Variants in ART3 observed in about 807,000 individuals in gnomAD.
ART3 encodes ADP-ribosyltransferase 3 (inactive), also known as ecto-ADP-ribosyltransferase 3.
In ART3, 49 loss-of-function variants were observed where a neutral mutation model predicts 48.5. That is an observed-to-expected ratio of 1.01 (90% confidence interval 0.80 to 1.28). The LOEUF is 1.28. ART3 is among the 50% of genes most tolerant of loss of function. The pLI, the probability that ART3 is intolerant of heterozygous loss-of-function variation, is 0.00. For synonymous variants in ART3, 145 were observed against 157.2 expected (o/e 0.92, Z 0.58); for missense variants, 438 against 454.3 (o/e 0.96, Z 0.33).
upstream of ART3, among the ~76,000 whole-genome samples, chr4:76,071,727 A>G (rs1482914949): frequency 5.3e-5 from 8 of 152,156 alleles, no homozygotes; most frequent in Admixed American, 5.2e-4. Context: ...GTTCCAGGAT[A>G]CTTTTTCCAC....
intron 1 of ART3, chr4:76,012,197 G>A (rs1412587940): frequency 6.6e-6 from 1 of 152,214 alleles, no homozygotes; most frequent in Non-Finnish European, 1.5e-5. Context: ...GTGGAATCGA[G>A]GTGTTCTGTT....
chr4:76,067,016 C>A (rs779384243), intron 1 of ART3, among the ~76,000 whole-genome samples: 8 of 152,202 alleles, frequency 5.3e-5, no homozygotes, highest in Non-Finnish European at 1.2e-4. Context: ...GAGGGCAGGG[C>A]TCCTGCCTGC....
At chr4:76,014,589 T>C (rs767789478) in intron 1 of ART3, among the ~76,000 whole-genome samples, 3 of 152,242 alleles carry the variant, frequency 2.0e-5, no homozygotes, top group African/African-American at 7.2e-5. Context: ...ATGCTTAATA[T>C]GAGTTTCGGA....
chr4:76,028,490 G>A (rs1333211035), intron 1 of ART3, among the ~76,000 whole-genome samples: 1 of 152,234 alleles, frequency 6.6e-6, no homozygotes, highest in Non-Finnish European at 1.5e-5. Context: ...AGTCTGCCCT[G>A]ACAAACTAAT....
Position 76,104,481 on chromosome 4 carries a change from A to G in ART3, c.971-116A>G, listed in dbSNP as rs373776869. The G allele has an allele frequency of 6.9e-5, 103 of 1,493,580 alleles. No homozygotes were observed. The African/African-American group carries it at 1.1e-3, about 16-fold the overall frequency. The allele number at this position is 1,493,580 out of a possible 1,614,324, so 92.5% of individuals were successfully genotyped here. A position where few individuals can be genotyped will look rare whatever the true frequency, so the allele number is the denominator to read the frequency against. On this transcript the variant is annotated intron_variant, in intron 9 of 11. Transcript: ENST00000355810. ...AGAACTTTTAAATAAAAAGCCAGAA[A>G]CTATAGTGCATTGGGGCCTTGGGTG... is the stretch of plus-strand genomic sequence containing the variant.
At chr4:76,061,974 T>G (rs1401813195) in intron 1 of ART3, among the ~76,000 whole-genome samples, 1 of 152,244 alleles carries the variant, frequency 6.6e-6, no homozygotes, top group East Asian at 1.9e-4. Flanking sequence ...GATGGCAATG[T>G]TTCTGGAATA....
intron 1 of ART3, chr4:76,041,199 G>A (rs1734942244): frequency 6.6e-6 from 1 of 152,184 alleles, no homozygotes; most frequent in African/African-American, 2.4e-5. Context: ...CTTTGTAGAT[G>A]TGTGGGGTCA....
chr4:76,032,345 T>C (rs11097213), intron 1 of ART3, among the ~76,000 whole-genome samples: 48,111 of 151,590 alleles, frequency 0.32, 8,755 homozygotes, highest in African/African-American at 0.48. Flanking sequence ...TAGCTGAGGT[T>C]ACAGGCATGT....
chr4:76,112,675 T>C lies in ART3; in HGVS notation c.*156T>C, dbSNP rs1729708026. 1.2e-6 allele frequency: 1 copy of C among 855,832 alleles called. No individual in the cohort carries two copies. The highest frequency in any genetic ancestry group is 1.7e-6 in the Non-Finnish European group (1 of 594,814). 53.0% of individuals were successfully genotyped at this position (855,832 alleles called of 1,614,324 possible). A position where few individuals can be genotyped will look rare whatever the true frequency, so the allele number is the denominator to read the frequency against. On this transcript the variant is annotated 3_prime_UTR_variant, in exon 12 of 12. Coordinates refer to ENST00000355810, the MANE Select transcript of ART3 (RefSeq NM_001130016.3). ...TTATTCATTTTGCAAATTCAGAAAG[T>C]TGGTCCAGATATATGTCACAGAACT... is the stretch of plus-strand genomic sequence containing the variant.
At chr4:76,108,437 C>T (rs1172652626) in intron 11 of ART3, among the ~76,000 whole-genome samples, 2 of 152,118 alleles carry the variant, frequency 1.3e-5, no homozygotes, top group African/African-American at 4.8e-5. Context: ...TTTTAACTTA[C>T]ATGTATGTCT....
intron 1 of ART3, among the ~76,000 whole-genome samples, chr4:76,040,241 C>CG (rs1734815538): frequency 6.6e-6 from 1 of 152,172 alleles, no homozygotes; most frequent in Non-Finnish European, 1.5e-5. Flanking sequence ...AGGAGAATCG[C>CG]TTGAACCCAG....
At chr4:76,094,656 T>C (rs1378978989) in intron 3 of ART3, among the ~76,000 whole-genome samples, 2 of 152,238 alleles carry the variant, frequency 1.3e-5, no homozygotes, top group African/African-American at 4.8e-5. Context: ...CTGTGAATTA[T>C]AAGGTTTTCC....
At chr4:76,028,572 A>G (rs1256957994) in intron 1 of ART3, among the ~76,000 whole-genome samples, 1 of 152,250 alleles carries the variant, frequency 6.6e-6, no homozygotes, top group Non-Finnish European at 1.5e-5. Flanking sequence ...AAAAGTGAGC[A>G]GGAGGACATC....
intron 1 of ART3, among the ~76,000 whole-genome samples, chr4:76,056,986 A>AG (rs11393494): frequency 0.59 from 88,926 of 151,842 alleles, 26,878 homozygotes; most frequent in East Asian, 0.94. Context: ...TTCTTTAAAA[A>AG]TTTAAAAAAT....
chr4:76,112,174 A>G (rs62318927), intron 11 of ART3, among the ~76,000 whole-genome samples: 20,013 of 152,270 alleles, frequency 0.13, 1,539 homozygotes, highest in East Asian at 0.35. Context: ...GCACCCCAAC[A>G]CCCGTATTAA....
chr4:76,019,743 C>T (rs532275973), intron 1 of ART3, among the ~76,000 whole-genome samples: 29 of 151,362 alleles, frequency 1.9e-4, no homozygotes, highest in Non-Finnish European at 2.9e-4. Flanking sequence ...TGTGAGCCAC[C>T]GCGCCCGGCC....
chr4:76,063,817 T>G (rs896749988), intron 1 of ART3, among the ~76,000 whole-genome samples: 6 of 152,202 alleles, frequency 3.9e-5, no homozygotes, highest in African/African-American at 1.4e-4. Flanking sequence ...TTTTAGAGTT[T>G]CATGTATTAT....
intron 1 of ART3, chr4:76,034,917 GACCCCTTA>G (rs1186290649): frequency 1.6e-5 from 21 of 1,343,106 alleles, no homozygotes; most frequent in African/African-American, 2.9e-5. Flanking sequence ...TACAACCAAG[GACCCCTTA>G]ACAGAATATT....
At chr4:76,078,520 A>G (rs1721639231) in intron 2 of ART3, among the ~76,000 whole-genome samples, 1 of 152,162 alleles carries the variant, frequency 6.6e-6, no homozygotes, top group African/African-American at 2.4e-5. Context: ...TCAAATTCCC[A>G]TGTCAGGAAA....
Sources: allele counts gnomAD v4.1 joint callset (sites outside exome capture counted in the v4.1 genomes callset), GRCh38; gene constraint gnomAD v4.1.1; transcripts MANE v1.5; gene names NCBI Gene and HGNC (gene_info 2026-07-23, HGNC 2026-07-21).